Variants in CD86 observed in about 807,000 individuals in gnomAD.
CD86 encodes the protein T-lymphocyte activation antigen CD86.
In CD86, 11 loss-of-function variants were observed where a neutral mutation model predicts 32.1. That is an observed-to-expected ratio of 0.34 (90% CI 0.22 to 0.57). The LOEUF is 0.57. CD86 is among the 20% of genes least tolerant of loss of function. The pLI is 0.86. For synonymous variants in CD86, 137 were observed against 135.3 expected, an observed-to-expected ratio of 1.01 and a Z score of -0.09; for missense variants, 359 against 398.4, an observed-to-expected ratio of 0.90 and a Z score of 0.84.
chr3:122,081,612 A>T (rs1472999706), intron 1 of CD86, among the ~76,000 whole-genome samples: 1 of 152,260 alleles, frequency 6.6e-6, no homozygotes, highest in Non-Finnish European at 1.5e-5. Context: ...TTAAAGGAAG[A>T]CAGCGTTTCT....
At chr3:122,084,250 G>A (rs1225841697) in intron 1 of CD86, among the ~76,000 whole-genome samples, 4 of 152,190 alleles carry the variant, frequency 2.6e-5, no homozygotes, top group Non-Finnish European at 1.5e-5. Flanking sequence ...GCCTCCCAAA[G>A]TGCTGGGATT....
chr3:122,074,403 C>T (rs1043975821), intron 1 of CD86, among the ~76,000 whole-genome samples: 1 of 152,224 alleles, frequency 6.6e-6, no homozygotes, highest in Non-Finnish European at 1.5e-5. Flanking sequence ...TGTATCTCTT[C>T]TGCTTTCCCC....
chr3:122,119,581 T>C lies in CD86; in HGVS notation c.*47T>C. 8.3e-7 allele frequency: 1 copy of C among 1,211,932 alleles called. No individual in the cohort carries two copies. The highest frequency in any genetic ancestry group is 1.2e-6 in the Non-Finnish European group (1 of 824,770). The allele number at this position is 1,211,932 out of a possible 1,614,324, so 75.1% of individuals were successfully genotyped here. A position where few individuals can be genotyped will look rare whatever the true frequency, so the allele number is the denominator to read the frequency against. On this transcript the variant is annotated 3_prime_UTR_variant, in exon 7 of 7. Transcript: ENST00000330540. ...AGTATTCATTTTTTCTACCCTTTCC[T>C]TTGTAAGTTCCTGGGCAACCTTTTT...
In CD86 at chr3:122,109,248, T is replaced by C. The variant is rs948694141; in HGVS notation, c.704-17T>C. ...AATGACTCTCCTGGCTGATTGAAAATTTGTGGTCATTTGTAGAGCTTGAGG... is the reference window on the plus strand; with the variant it reads ...AATGACTCTCCTGGCTGATTGAAAACTTGTGGTCATTTGTAGAGCTTGAGG... On this transcript the variant is annotated splice_polypyrimidine_tract_variant and intron_variant, in intron 4 of 6. Transcript: ENST00000330540. 2.5e-6 allele frequency: 4 copies of C among 1,605,896 alleles called. No individual in the cohort carries two copies. The highest frequency in any genetic ancestry group is 1.3e-5 in the African/African-American group (1 of 74,268).
chr3:122,119,669 T>C lies in CD86; in HGVS notation c.*135T>C, dbSNP rs1251035390. 1 of 621,096 alleles carries C rather than the reference T, an allele frequency of 1.6e-6. No homozygotes were observed. Among genetic ancestry groups the C allele is most frequent in the Non-Finnish European group, 2.9e-6 (1 of 346,408 alleles). 38.5% of individuals were successfully genotyped at this position (621,096 alleles called of 1,614,324 possible). ...AATAAGGGGGCTCCAGGACTCCCTC[T>C]AAGTGGAATAGCCTCCCTGTAACTC... is the stretch of plus-strand genomic sequence containing the variant. On this transcript the variant is annotated 3_prime_UTR_variant, in exon 7 of 7. Coordinates refer to ENST00000330540, the MANE Select transcript of CD86 (RefSeq NM_175862.5).
At chr3:122,091,494 A>G (rs2072819577) in intron 1 of CD86, 107 bp from the exon 2 acceptor site, 1 of 868,306 alleles carries the variant, frequency 1.2e-6, no homozygotes. Context: ...TGCACACCCG[A>G]GAACCCAAGT....
At chr3:122,063,402 G>A (rs924451934) in intron 1 of CD86, among the ~76,000 whole-genome samples, 1 of 152,078 alleles carries the variant, frequency 6.6e-6, no homozygotes, top group African/African-American at 2.4e-5. Context: ...ATTATTTAAT[G>A]TAATGAAAAA....
chr3:122,064,009 A>T (rs2072377837), intron 1 of CD86, among the ~76,000 whole-genome samples: 2 of 152,212 alleles, frequency 1.3e-5, no homozygotes, highest in Non-Finnish European at 2.9e-5. Context: ...GCTGCCCAAC[A>T]ACTCCAAAAA....
chr3:122,063,349 C>T (rs143869988), intron 1 of CD86, among the ~76,000 whole-genome samples: 20 of 152,130 alleles, frequency 1.3e-4, no homozygotes, highest in African/African-American at 4.8e-4. Context: ...AGTTAAATAA[C>T]AAGAGCTACG....
At chr3:122,093,438 G>T (rs927496457) in intron 2 of CD86, among the ~76,000 whole-genome samples, 21 of 152,124 alleles carry the variant, frequency 1.4e-4, no homozygotes, top group African/African-American at 4.8e-4. Context: ...TCATCATAGG[G>T]TGTCCTTACA....
intron 1 of CD86, among the ~76,000 whole-genome samples, chr3:122,072,636 T>C (rs1395582552): frequency 3.3e-5 from 5 of 152,358 alleles, no homozygotes; most frequent in Admixed American, 2.6e-4. Context: ...ATTAGCCCTT[T>C]GTCAGATGAG....
rs1202377219 is a variant in CD86, at chr3:122,101,513, A to AAAAAATATAT, written c.65-1998_65-1997insAAAATATATA. Among the ~76,000 whole-genome samples the AAAAAATATAT allele has an allele frequency of 1.1e-4, 5 of 46,326 alleles. No individual in the cohort carries two copies. In the East Asian group the frequency reaches 2.9e-3, roughly 27 times the overall value. The allele number at this position is 46,326 out of a possible 152,430, so 30.4% of individuals were successfully genotyped here. A position where few individuals can be genotyped will look rare whatever the true frequency, so the allele number is the denominator to read the frequency against. On this transcript the variant is annotated intron_variant, in intron 2 of 6. Transcript: ENST00000330540. ...CTCTACAGAAAAAAAAAAAAAAAAA[A>AAAAAATATAT]ATATATATATATATATATATATATA...
chr3:122,119,574 C>A lies in CD86; in HGVS notation c.*40C>A. The A allele has an allele frequency of 1.5e-6, 2 of 1,293,682 alleles. No individual in the cohort carries two copies. The highest frequency in any genetic ancestry group is 1.1e-6 in the Non-Finnish European group (1 of 898,840). The allele number at this position is 1,293,682 out of a possible 1,614,324, so 80.1% of individuals were successfully genotyped here. On this transcript the variant is annotated 3_prime_UTR_variant, in exon 7 of 7. Coordinates refer to ENST00000330540, the MANE Select transcript of CD86 (RefSeq NM_175862.5). ...CCATACAAGTATTCATTTTTTCTAC[C>A]CTTTCCTTTGTAAGTTCCTGGGCAA... is the stretch of plus-strand genomic sequence containing the variant.
intron 1 of CD86, among the ~76,000 whole-genome samples, chr3:122,064,545 T>C (rs921593667): frequency 6.6e-6 from 1 of 152,160 alleles, no homozygotes; most frequent in African/African-American, 2.4e-5. Flanking sequence ...GCTGTGTATG[T>C]CCACAGGCGA....
At chr3:122,109,191 A>G in intron 4 of CD86, 74 bp from the exon 5 acceptor site, 1 of 1,487,846 alleles carries the variant, frequency 6.7e-7, no homozygotes, top group African/African-American at 1.4e-5. Context: ...CAGGTAAATA[A>G]AGAGAAGAGC....
chr3:122,102,076 T>A (rs1218364755), intron 2 of CD86, among the ~76,000 whole-genome samples: 2 of 152,176 alleles, frequency 1.3e-5, no homozygotes, highest in African/African-American at 4.8e-5. Flanking sequence ...CTTGATTATG[T>A]GTTCTCACTG....
intron 1 of CD86, among the ~76,000 whole-genome samples, chr3:122,090,936 C>T (rs1189448286): frequency 6.6e-6 from 1 of 152,154 alleles, no homozygotes; most frequent in East Asian, 1.9e-4. Context: ...CTTACTAAGC[C>T]AGACTTTCTG....
At chr3:122,109,185 T>C in intron 4 of CD86, 80 bp from the exon 5 acceptor site, 1 of 1,434,840 alleles carries the variant, frequency 7.0e-7, no homozygotes. Flanking sequence ...GGCTGGCAGG[T>C]AAATAAAGAG....
chr3:122,103,520 C>G lies in CD86; in HGVS notation c.73C>G (p.Pro25Ala). 1 of 1,609,366 alleles carries G rather than the reference C, an allele frequency of 6.2e-7. No homozygotes were observed. Among genetic ancestry groups the G allele is most frequent in the South Asian group, 1.1e-5 (1 of 90,136 alleles). Residue 25 changes from proline (P) to alanine (A), a missense_variant, in exon 3 of 7, where the codon CCT becomes GCT. Coordinates refer to ENST00000330540, the MANE Select transcript of CD86 (RefSeq NM_175862.5). ...VMAFLLSGAA[P>A]LKIQAYFNET... ...TTAACCTTCTTTTTTAGGTGCTGCTCCTCTGAAGATTCAAGCTTATTTCAA... is the reference window on the plus strand; with the variant it reads ...TTAACCTTCTTTTTTAGGTGCTGCTGCTCTGAAGATTCAAGCTTATTTCAA...
Sources: allele counts gnomAD v4.1 joint callset (sites outside exome capture counted in the v4.1 genomes callset), GRCh38; gene constraint gnomAD v4.1.1; transcripts MANE v1.5; gene names NCBI Gene and HGNC (gene_info 2026-07-23, HGNC 2026-07-21).